The following PTCH1 variants were observed in gnomAD, a reference collection of about 807,000 sequenced individuals.
PTCH1 encodes patched 1, also known as protein patched homolog 1.
Under a neutral mutation model 144.6 loss-of-function variants are expected in PTCH1, and 14 were observed. The ratio of observed to expected loss-of-function variants is 0.10; its 90% confidence interval spans 0.06 to 0.15. The LOEUF (loss-of-function observed/expected upper bound fraction) is 0.15. PTCH1 is among the 10% of genes least tolerant of loss of function. PTCH1 has a pLI of 1.00. For missense variants in PTCH1, 1,623 were observed against 1,948.3 expected (o/e 0.83, Z 3.14); for synonymous variants, 833 against 793.6 (o/e 1.05, Z -0.83).
intron 13 of PTCH1, 136 bp downstream of exon 13, chr9:95,469,677 C>T: frequency 1.1e-6 from 1 of 909,588 alleles, no homozygotes; most frequent in Non-Finnish European, 1.8e-6. Flanking sequence ...AGCCTCTGTC[C>T]AATCTCTCCC....
exon 1 of PTCH1, chr9:95,516,518 A>T (rs1167953199): frequency 9.7e-6 from 15 of 1,540,358 alleles, no homozygotes; most frequent in Non-Finnish European, 6.1e-6. Context: ...GATGGCGCGG[A>T]CGCTGGGCTT....
intron 2 of PTCH1, among the ~76,000 whole-genome samples, chr9:95,504,260 A>G (rs1487924705): frequency 2.0e-5 from 3 of 152,110 alleles, no homozygotes; most frequent in Non-Finnish European, 2.9e-5. Flanking sequence ...CATCCAGTCC[A>G]TTGAAAAAGA....
At chr9:95,452,211 G>A (rs1049701082) in intron 20 of PTCH1, 2 of 152,172 alleles carry the variant, frequency 1.3e-5, no homozygotes, top group Admixed American at 1.3e-4. Flanking sequence ...TGCCCAGTGG[G>A]CTATGCCACA....
Position 95,453,614 on chromosome 9 carries a change from G to A in PTCH1, c.3313C>T (p.Leu1105=), listed in dbSNP as rs773043594. ...EFTVHVALAF[L]TAIGDKNRRA... ...CGGTTCTTGTCGCCGATGGCCGTCA[G>A]AAAGGCCTGTGCAATGAGGATGTTC... is the stretch of plus-strand genomic sequence containing the variant. Residue 1105 remains leucine, a synonymous_variant, in exon 20 of 24, where the codon CTG becomes TTG. Transcript: ENST00000331920. The A allele has an allele frequency of 1.2e-6, 2 of 1,613,690 alleles. No homozygotes were observed. Among genetic ancestry groups the A allele is most frequent in the East Asian group, 4.5e-5 (2 of 44,876 alleles).
upstream of PTCH1, chr9:95,513,990 T>C (rs1844258956): frequency 6.6e-6 from 1 of 152,196 alleles, no homozygotes; most frequent in Non-Finnish European, 1.5e-5. Context: ...GAGCTTACAG[T>C]GAGCTGGGGG....
chr9:95,447,483 G>A (rs1185371132), intron 22 of PTCH1, 32 bp from the exon 23 acceptor site: 1 of 1,520,318 alleles, frequency 6.6e-7, no homozygotes, highest in Non-Finnish European at 8.8e-7. Context: ...TAGAAGGGTG[G>A]TATCCCAGGC....
rs749065601 is a variant in PTCH1 at position 95,453,632 on chromosome 9, G to A, written c.3307-12C>T. ...GCCGTCAGAAAGGCCTGTGCAATGA[G>A]GATGTTCACAAGATCAGGTTGCTGG... On this transcript the variant is annotated splice_polypyrimidine_tract_variant and intron_variant, in intron 19 of 23. Coordinates refer to ENST00000331920, the MANE Select transcript of PTCH1 (RefSeq NM_000264.5). 6 of 1,613,212 alleles carry A rather than the reference G, an allele frequency of 3.7e-6. No individual in the cohort carries two copies. In the Admixed American group the frequency reaches 1.0e-4, roughly 27 times the overall value.
At position 95,509,100 on chromosome 9, in the gene PTCH1, C is replaced by T. The variant is rs568069668; in HGVS notation, c.-739G>A. Among the ~76,000 whole-genome samples the T allele has an allele frequency of 6.6e-6, 1 of 152,184 alleles. No homozygotes were observed. Among genetic ancestry groups the T allele is most frequent in the East Asian group, 1.9e-4 (1 of 5,154 alleles). ...CGGCAACCCGCTGGACCATTCTGTCCCCGTGCAGCGCGCCTCTCTCGCTCC... is the reference window on the plus strand; with the variant it reads ...CGGCAACCCGCTGGACCATTCTGTCTCCGTGCAGCGCGCCTCTCTCGCTCC... On this transcript the variant is annotated 5_prime_UTR_variant, in exon 1 of 24. Transcript: ENST00000331920.
intron 15 of PTCH1, among the ~76,000 whole-genome samples, chr9:95,464,731 A>T (rs550858687): frequency 6.6e-6 from 1 of 152,344 alleles, no homozygotes; most frequent in Non-Finnish European, 1.5e-5. Flanking sequence ...ATGTCGATAA[A>T]GACCAATGAG....
chr9:95,502,680 G>C (rs1447835990), intron 2 of PTCH1, among the ~76,000 whole-genome samples: 1 of 152,154 alleles, frequency 6.6e-6, no homozygotes, highest in Non-Finnish European at 1.5e-5. Flanking sequence ...TTTAACAACA[G>C]AATACAATAA....
chr9:95,488,823 A>C (rs1842174965), intron 2 of PTCH1, among the ~76,000 whole-genome samples: 1 of 152,242 alleles, frequency 6.6e-6, no homozygotes, highest in African/African-American at 2.4e-5. Context: ...GATATTTCAA[A>C]TGGGATAGCA....
chr9:95,466,137 TC>T (rs1014459017), intron 15 of PTCH1, among the ~76,000 whole-genome samples: 1 of 152,150 alleles, frequency 6.6e-6, no homozygotes, highest in African/African-American at 2.4e-5. Flanking sequence ...AACCTCCACC[TC>T]CCAGGTTCAA....
intron 1 of PTCH1, chr9:95,516,387 G>A (rs1434044276): frequency 9.8e-6 from 11 of 1,116,774 alleles, no homozygotes; most frequent in African/African-American, 1.6e-5. Flanking sequence ...GGCGTCCCGC[G>A]TCCCCGTGTC....
intron 2 of PTCH1, chr9:95,495,377 G>GT (rs1842717467): frequency 6.6e-6 from 1 of 151,858 alleles, no homozygotes; most frequent in Admixed American, 6.5e-5. Flanking sequence ...GCATTTCAAA[G>GT]TATGTGAGCC....
intron 2 of PTCH1, among the ~76,000 whole-genome samples, chr9:95,501,375 G>C (rs55943198): frequency 0.05 from 7,639 of 152,150 alleles, 273 homozygotes; most frequent in Non-Finnish European, 0.072. Context: ...CTGAGGTTGA[G>C]GGACCTTGCT....
At chr9:95,477,501 G>A (rs2066838) in intron 10 of PTCH1, 46 bp downstream of exon 10, 21 of 1,613,324 alleles carry the variant, frequency 1.3e-5, no homozygotes, top group Admixed American at 6.7e-5. Flanking sequence ...CCTGGGGGCC[G>A]GGTGGCATTT....
rs1284623778 is a variant in PTCH1, at chr9:95,449,838, G to A, written c.3549+3C>T. 2.5e-6 allele frequency: 4 copies of A among 1,610,180 alleles called. No homozygotes were observed. Among genetic ancestry groups the A allele is most frequent in the Non-Finnish European group, 3.4e-6 (4 of 1,176,452 alleles). On this transcript the variant is annotated splice_donor_region_variant and intron_variant, in intron 21 of 23. Coordinates refer to ENST00000331920, the MANE Select transcript of PTCH1 (RefSeq NM_000264.5). This position sits in a 1 kb window ranked among gnomAD's most constrained non-coding sequence, Gnocchi z 5.3. ...CGTGGGACATCCCCGTGTCACTACT[G>A]ACCTCAGGATATGGTCCAAAGAAAG... is the stretch of plus-strand genomic sequence containing the variant.
At chr9:95,446,675 G>A (rs967097004) in intron 23 of PTCH1, 22 of 616,304 alleles carry the variant, frequency 3.6e-5, no homozygotes, top group Admixed American at 2.7e-5. Context: ...GCGCTGCACC[G>A]ACCCTCCGCA....
intron 12 of PTCH1, among the ~76,000 whole-genome samples, chr9:95,471,683 G>A (rs990442189): frequency 2.0e-5 from 3 of 152,240 alleles, no homozygotes; most frequent in Non-Finnish European, 4.4e-5. Context: ...GAGCAGCTCA[G>A]TGGGGTGGAG....
Sources: gnomAD v4.1 joint callset for allele counts (sites outside exome capture counted in the v4.1 genomes callset) on GRCh38, gnomAD v4.1.1 for gene constraint, Gnocchi (gnomAD v3.1) non-coding constraint, MANE v1.5 for transcripts, NCBI Gene and HGNC (gene_info 2026-07-23, HGNC 2026-07-21) for gene names.